The following MAST4 variants were observed in gnomAD, a reference collection of about 807,000 sequenced individuals.
MAST4 encodes the protein microtubule-associated serine/threonine-protein kinase 4.
MAST4 carries 89 observed loss-of-function variants against 162.7 expected under a neutral mutation model. That is an observed-to-expected ratio of 0.55 (90% CI 0.46 to 0.65). The LOEUF (loss-of-function observed/expected upper bound fraction) is 0.65. Among genes scored for constraint, MAST4 ranks in the 30% least tolerant of loss-of-function variants. The pLI is 0.00. For synonymous variants in MAST4, 1,479 were observed against 1,361.1 expected, an observed-to-expected ratio of 1.09 and a Z score of -1.91; for missense variants, 3,153 against 3,374.0, an observed-to-expected ratio of 0.93 and a Z score of 1.62.
intron 1 of MAST4, among the ~76,000 whole-genome samples, chr5:66,702,433 G>C (rs1169863604): frequency 6.6e-6 from 1 of 152,184 alleles, no homozygotes; most frequent in Non-Finnish European, 1.5e-5. Flanking sequence ...TGGTCCAGTG[G>C]CGTGCTAAGA....
At chr5:67,088,170 A>G (rs1763460648) in intron 5 of MAST4, among the ~76,000 whole-genome samples, 1 of 152,192 alleles carries the variant, frequency 6.6e-6, no homozygotes. Context: ...TTCAGATTAA[A>G]AAATATATAT....
rs117061115 is a variant in MAST4, at chr5:66,667,592, C to T, written c.363+70574C>T. On this transcript the variant is annotated intron_variant, in intron 1 of 28. Coordinates refer to ENST00000403625, the MANE Select transcript of MAST4 (RefSeq NM_001164664.2). ...TAGCAACCCCAGAGTCATAGTTGGT[C>T]GCCAATTCTCACCTAGTTAATTCTT... 6.4e-4 allele frequency among the ~76,000 whole-genome samples: 98 copies of T among 152,308 alleles called. 1 individual carries two copies. The East Asian group carries it at 0.017, about 27-fold the overall frequency.
At position 67,076,868 on chromosome 5, in the gene MAST4, T is replaced by G. The variant is rs535619966; in HGVS notation, c.764-13294T>G. On this transcript the variant is annotated intron_variant, in intron 5 of 28. Transcript: ENST00000403625. ...AGCATCCATCGCCACCGCCACAGAC[T>G]AGTTAGCAATACAAACTCTGAGGCT... Among the ~76,000 whole-genome samples the G allele has an allele frequency of 3.9e-5, 6 of 152,362 alleles. No individual in the cohort carries two copies. The South Asian group carries it at 1.0e-3, about 26-fold the overall frequency.
intron 4 of MAST4, among the ~76,000 whole-genome samples, chr5:66,906,982 G>A (rs1173974784): frequency 3.3e-5 from 5 of 152,068 alleles, no homozygotes; most frequent in Non-Finnish European, 7.4e-5. Context: ...GGGCCTGCTA[G>A]ACTTCTGAGG....
intron 2 of MAST4, among the ~76,000 whole-genome samples, chr5:66,767,876 A>C (rs1349601115): frequency 6.6e-6 from 1 of 152,124 alleles, no homozygotes; most frequent in Non-Finnish European, 1.5e-5. Context: ...AGGTAATTAG[A>C]TAGTATCCAC....
intron 1 of MAST4, among the ~76,000 whole-genome samples, chr5:66,720,970 T>C (rs1751167254): frequency 6.6e-6 from 1 of 152,084 alleles, no homozygotes; most frequent in African/African-American, 2.4e-5. Flanking sequence ...TCCCACTCTC[T>C]CTTCCTGCTT....
At chr5:66,735,263 C>T (rs942029601) in intron 1 of MAST4, among the ~76,000 whole-genome samples, 6 of 152,052 alleles carry the variant, frequency 3.9e-5, no homozygotes, top group Non-Finnish European at 5.9e-5. Flanking sequence ...ATTAATCATA[C>T]AAAATAATTA....
intron 3 of MAST4, among the ~76,000 whole-genome samples, chr5:66,894,143 A>G (rs932043652): frequency 3.9e-5 from 6 of 152,244 alleles, no homozygotes; most frequent in African/African-American, 1.4e-4. Flanking sequence ...GAAAATTAAT[A>G]TTCCCTAAAG....
chr5:66,734,461 T>A (rs928375796), intron 1 of MAST4, among the ~76,000 whole-genome samples: 2 of 152,232 alleles, frequency 1.3e-5, no homozygotes, highest in Non-Finnish European at 2.9e-5. Context: ...TAATCTTAAC[T>A]GTTTTCTACC....
chr5:66,918,704 T>C (rs866244967), intron 4 of MAST4, among the ~76,000 whole-genome samples: 1 of 152,164 alleles, frequency 6.6e-6, no homozygotes, highest in Non-Finnish European at 1.5e-5. Flanking sequence ...ATTTTACTTA[T>C]GGAAGTAGAA....
intron 4 of MAST4, among the ~76,000 whole-genome samples, chr5:67,020,853 C>T (rs1226486428): frequency 6.6e-6 from 1 of 152,180 alleles, no homozygotes; most frequent in African/African-American, 2.4e-5. Flanking sequence ...CCAATCTGGC[C>T]ACTGCCTGGT....
rs752330863 is a variant in MAST4 at position 67,100,562 on chromosome 5, C to T, written c.1040C>T (p.Thr347Met). Residue 347 changes from threonine to methionine, a missense_variant, in exon 8 of 29, where the codon ACG (threonine) becomes ATG (methionine). Physicochemically the swap from Thr to Met is moderately conservative, Grantham distance 81. This residue lies in a region of MAST4 where 360 missense variants were observed against 450.0 expected (regional missense o/e 0.80). Coordinates refer to ENST00000403625, the MANE Select transcript of MAST4 (RefSeq NM_001164664.2). ...SIATENRCRN[T>M]PMRPRSRSLS... ...GCCACTGAGAACAGATGCAGGAACA[C>T]GCCGATGCGCCCCCGTTCCCGAAGT... 8.5e-5 allele frequency: 137 copies of T among 1,613,890 alleles called. No homozygotes were observed. Among genetic ancestry groups the T allele is most frequent in the Non-Finnish European group, 1.0e-4 (120 of 1,179,828 alleles).
intron 4 of MAST4, among the ~76,000 whole-genome samples, chr5:67,045,691 C>A (rs1246230361): frequency 6.6e-6 from 1 of 152,110 alleles, no homozygotes; most frequent in Admixed American, 6.5e-5. Context: ...GGATTGCAAC[C>A]CTGAGCATAG....
chr5:66,669,663 G>A (rs757548163), intron 1 of MAST4, among the ~76,000 whole-genome samples: 1 of 152,202 alleles, frequency 6.6e-6, no homozygotes, highest in Non-Finnish European at 1.5e-5. Context: ...GCTAAAGAAG[G>A]TGTTTGAAGT....
chr5:66,811,466 G>A (rs1249366115), intron 3 of MAST4, among the ~76,000 whole-genome samples: 1 of 152,174 alleles, frequency 6.6e-6, no homozygotes, highest in Non-Finnish European at 1.5e-5. Flanking sequence ...GAAAGGTTGG[G>A]AAATAGGTTC....
chr5:66,706,608 A>ATTTT (rs11294899), intron 1 of MAST4, among the ~76,000 whole-genome samples: 2 of 149,184 alleles, frequency 1.3e-5, no homozygotes, highest in African/African-American at 2.5e-5. Flanking sequence ...AGAAATAGTA[A>ATTTT]TTTTTTTTTT....
chr5:66,775,170 T>C (rs1754539757), intron 2 of MAST4, among the ~76,000 whole-genome samples: 1 of 152,158 alleles, frequency 6.6e-6, no homozygotes, highest in African/African-American at 2.4e-5. Context: ...ATAGTCACAG[T>C]GCTCTTTGTG....
chr5:67,081,101 G>T (rs1284405493), intron 5 of MAST4, among the ~76,000 whole-genome samples: 2 of 111,616 alleles, frequency 1.8e-5, no homozygotes, highest in African/African-American at 8.1e-5. Context: ...ATATATAATT[G>T]TATATATTAT....
At chr5:66,852,841 A>G (rs1272985161) in intron 3 of MAST4, among the ~76,000 whole-genome samples, 2 of 152,222 alleles carry the variant, frequency 1.3e-5, no homozygotes, top group Non-Finnish European at 2.9e-5. Flanking sequence ...CCTAAATAGA[A>G]TTCTCATTAT....
Sources: gnomAD v4.1 joint callset for allele counts (sites outside exome capture counted in the v4.1 genomes callset) on GRCh38, gnomAD v4.1.1 for gene constraint, gnomAD v4.1.1 regional missense constraint, MANE v1.5 for transcripts, NCBI Gene and HGNC (gene_info 2026-07-23, HGNC 2026-07-21) for gene names.